FAM89A: variants seen among roughly 807,000 people sequenced by gnomAD.
FAM89A encodes family with sequence similarity 89 member A.
Under a neutral mutation model 7.1 loss-of-function variants are expected in FAM89A, and 10 were observed. The observed-to-expected ratio is 1.40, with a 90% confidence interval of 0.86 to 2.38. The LOEUF (loss-of-function observed/expected upper bound fraction) is 2.38, where lower values mean the gene tolerates loss of function less well. Ranked by LOEUF, FAM89A falls within the 30% of genes most tolerant of loss-of-function variation. The probability of loss-of-function intolerance (pLI) is 0.00; values close to 1 mark genes in which losing one functional copy is unlikely to be tolerated. For synonymous variants in FAM89A, 157 were observed against 129.3 expected, an observed-to-expected ratio of 1.21 and a Z score of -1.45; for missense variants, 276 against 262.8, an observed-to-expected ratio of 1.05 and a Z score of -0.35.
At chr1:231,032,399 A>AC (rs1680089633) in intron 1 of FAM89A, among the ~76,000 whole-genome samples, 1 of 22,238 alleles carries the variant, frequency 4.5e-5, no homozygotes, top group Non-Finnish European at 8.9e-5. Context: ...CCCACCCCCC[A>AC]CCCCCAGCAA....
chr1:231,023,431 A>G (rs1679913876), intron 1 of FAM89A, among the ~76,000 whole-genome samples: 1 of 152,192 alleles, frequency 6.6e-6, no homozygotes, highest in South Asian at 2.1e-4. Flanking sequence ...GAGGCCTTAC[A>G]GTGCCGGCAT....
Position 231,033,907 on chromosome 1 carries a change from T to C in FAM89A, c.291+6014A>G, listed in dbSNP as rs542789385. Among the ~76,000 whole-genome samples, 5 of 152,104 alleles carry C rather than the reference T, an allele frequency of 3.3e-5. 1 individual carries two copies. Among genetic ancestry groups the C allele is most frequent in the African/African-American group, 9.6e-5 (4 of 41,492 alleles). ...AATGACCCACACACTGCCCTTACTG[T>C]CCCCCACCCCACACCAAAGACATGG... On this transcript the variant is annotated intron_variant, in intron 1 of 1. Coordinates refer to ENST00000366654, the MANE Select transcript of FAM89A (RefSeq NM_198552.3).
chr1:231,020,838 A>T (rs906592955), intron 1 of FAM89A, among the ~76,000 whole-genome samples: 1 of 152,192 alleles, frequency 6.6e-6, no homozygotes, highest in African/African-American at 2.4e-5. Context: ...AACATTTATA[A>T]AAGTCATATA....
chr1:231,019,930 G>C lies in FAM89A; in HGVS notation c.488C>G (p.Pro163Arg). The change falls in exon 2 of 2, where the codon CCT becomes CGT. Residue 163 changes from proline to arginine, a missense_variant. Physicochemically the swap from Pro to Arg is moderately radical, Grantham distance 103. Transcript: ENST00000366654. ...NSLHDRRDRG[P>R]PRDLSLPVSS... Reference sequence around the variant, plus strand: ...GACAGGCAGTGACAAGTCCCGAGGAGGGCCTCGGTCCCTCCTGTCGTGCAG... The same window carrying C: ...GACAGGCAGTGACAAGTCCCGAGGACGGCCTCGGTCCCTCCTGTCGTGCAG... 7 of 1,614,192 alleles carry C rather than the reference G, an allele frequency of 4.3e-6. No homozygotes were observed. Among genetic ancestry groups the C allele is most frequent in the Non-Finnish European group, 5.9e-6 (7 of 1,180,040 alleles).
chr1:231,026,017 A>G (rs1227820015), intron 1 of FAM89A: 1 of 152,850 alleles, frequency 6.5e-6, no homozygotes, highest in Admixed American at 6.7e-5. Context: ...CTGGGTTCAG[A>G]TCTTGGCTCC....
intron 1 of FAM89A, 107 bp from the exon 2 acceptor site, chr1:231,020,233 A>G (rs1263098643): frequency 9.5e-6 from 11 of 1,163,220 alleles, no homozygotes; most frequent in Admixed American, 2.7e-5. Flanking sequence ...TTCCTTCCAC[A>G]CGGCGCATGA....
intron 1 of FAM89A, among the ~76,000 whole-genome samples, chr1:231,034,510 C>T (rs993785535): frequency 1.3e-5 from 2 of 152,138 alleles, no homozygotes; most frequent in Admixed American, 1.3e-4. Flanking sequence ...CAGTGGCTCA[C>T]GCCTGTAATC....
rs1679892712 is a variant in FAM89A at position 231,022,269 on chromosome 1, T to C, written c.292-2143A>G. 5.2e-6 allele frequency: 4 copies of C among 771,604 alleles called. No homozygotes were observed. In the South Asian group the frequency reaches 5.6e-5, roughly 11 times the overall value. The allele number at this position is 771,604 out of a possible 1,614,324, so 47.8% of individuals were successfully genotyped here. ...TCCATTTTCCTGAGCTCAAAAAGAC[T>C]GTTTTGAAACCCACGTCTGATATGT... On this transcript the variant is annotated intron_variant, in intron 1 of 1. Coordinates refer to ENST00000366654, the MANE Select transcript of FAM89A (RefSeq NM_198552.3).
intron 1 of FAM89A, among the ~76,000 whole-genome samples, chr1:231,023,426 C>A (rs1243043146): frequency 6.6e-6 from 1 of 152,174 alleles, no homozygotes; most frequent in African/African-American, 2.4e-5. Context: ...CGAGAGAGGC[C>A]TTACAGTGCC....
intron 1 of FAM89A, among the ~76,000 whole-genome samples, chr1:231,031,787 T>C (rs1454566862): frequency 6.6e-6 from 1 of 152,238 alleles, no homozygotes; most frequent in Non-Finnish European, 1.5e-5. Flanking sequence ...CATCTTTCTA[T>C]ATACATATAT....
chr1:231,024,729 A>T (rs1679934218), intron 1 of FAM89A, among the ~76,000 whole-genome samples: 2 of 151,692 alleles, frequency 1.3e-5, no homozygotes, highest in East Asian at 3.9e-4. Context: ...CTTTGTAGAG[A>T]TGGGGCCTTG....
At chr1:231,038,401 C>T (rs1417653620) in intron 1 of FAM89A, among the ~76,000 whole-genome samples, 1 of 152,228 alleles carries the variant, frequency 6.6e-6, no homozygotes, top group African/African-American at 2.4e-5. Context: ...AGCTTCACAA[C>T]AGGAGCGGCC....
At position 231,032,054 on chromosome 1, in the gene FAM89A, T is replaced by C. The variant is rs550761843; in HGVS notation, c.291+7867A>G. Among the ~76,000 whole-genome samples, 974 of 152,330 alleles carry C rather than the reference T, an allele frequency of 6.4e-3. 13 individuals carry two copies. The highest frequency in any genetic ancestry group is 0.022 in the African/African-American group (895 of 41,572). ...TAATGGGAAGAAAGACGTTTACCAATAAAGTGATTCAATTTGGACTACTTT... is the reference window on the plus strand; with the variant it reads ...TAATGGGAAGAAAGACGTTTACCAACAAAGTGATTCAATTTGGACTACTTT... On this transcript the variant is annotated intron_variant, in intron 1 of 1. Coordinates refer to ENST00000366654, the MANE Select transcript of FAM89A (RefSeq NM_198552.3).
intron 1 of FAM89A, among the ~76,000 whole-genome samples, chr1:231,035,455 G>T (rs1307933633): frequency 6.6e-6 from 1 of 152,158 alleles, no homozygotes; most frequent in Non-Finnish European, 1.5e-5. Flanking sequence ...CTGAACCCAA[G>T]AATCCCCAGG....
At position 231,023,597 on chromosome 1, in the gene FAM89A, C is replaced by T. The variant is rs1679916290; in HGVS notation, c.292-3471G>A. Among the ~76,000 whole-genome samples, 3 of 152,242 alleles carry T rather than the reference C, an allele frequency of 2.0e-5. No homozygotes were observed. The South Asian group carries it at 6.2e-4, about 31-fold the overall frequency. The stretch of plus-strand genomic sequence containing the variant: ...CCCTTCTGAAGGAGAAGGGACTCAG[C>T]ACAGAATTCACTTTAGACGGGGCTG... On this transcript the variant is annotated intron_variant, in intron 1 of 1. Transcript: ENST00000366654.
rs1437672759 is a variant in FAM89A at position 231,026,662 on chromosome 1, C to T, written c.292-6536G>A. 3 of 152,218 alleles carry T rather than the reference C, an allele frequency of 2.0e-5. No individual in the cohort carries two copies. The East Asian group carries it at 5.8e-4, about 29-fold the overall frequency. The allele number at this position is 152,218 out of a possible 1,614,324, so 9.4% of individuals were successfully genotyped here. Reference sequence around the variant, plus strand: ...TCCAAGCTAAATATCTCAGGCCCTTCCCCTATTTTCATTATGACCTCTCGT... The same window carrying T: ...TCCAAGCTAAATATCTCAGGCCCTTTCCCTATTTTCATTATGACCTCTCGT... On this transcript the variant is annotated intron_variant, in intron 1 of 1. Transcript: ENST00000366654.
intron 1 of FAM89A, among the ~76,000 whole-genome samples, chr1:231,037,856 T>C (rs1449054561): frequency 1.3e-5 from 2 of 152,110 alleles, no homozygotes; most frequent in Non-Finnish European, 2.9e-5. Context: ...TTTCTATGCT[T>C]GCTTTAAAAA....
At chr1:231,038,808 T>G (rs1680200789) in intron 1 of FAM89A, among the ~76,000 whole-genome samples, 1 of 152,254 alleles carries the variant, frequency 6.6e-6, no homozygotes, top group Non-Finnish European at 1.5e-5. Context: ...ACCCTGAATT[T>G]TTCTAAACAA....
chr1:231,025,191 G>A (rs1679946845), intron 1 of FAM89A, among the ~76,000 whole-genome samples: 1 of 152,000 alleles, frequency 6.6e-6, no homozygotes. Flanking sequence ...CAGAGTGCTG[G>A]GATTACAGGC....
Sources: gnomAD v4.1 joint callset for allele counts (sites outside exome capture counted in the v4.1 genomes callset) on GRCh38, gnomAD v4.1.1 for gene constraint, MANE v1.5 for transcripts, NCBI Gene and HGNC (gene_info 2026-07-23, HGNC 2026-07-21) for gene names.